The following CNOT10 variants were observed in gnomAD, a reference collection of about 807,000 sequenced individuals.
The protein encoded by CNOT10 is CCR4-NOT transcription complex, subunit 10.
In CNOT10, 30 loss-of-function variants were observed where a neutral mutation model predicts 94.6. The ratio of observed to expected loss-of-function variants is 0.32; its 90% CI spans 0.24 to 0.43. The LOEUF is 0.43. Ranked by LOEUF, CNOT10 falls within the 20% of genes least tolerant of loss-of-function variation. CNOT10 has a pLI of 1.00. For synonymous variants in CNOT10, 289 were observed against 301.6 expected, an observed-to-expected ratio of 0.96 and a Z score of 0.43; for missense variants, 759 against 877.2, an observed-to-expected ratio of 0.87 and a Z score of 1.70.
At chr3:32,719,174 G>T (rs558833657) in intron 7 of CNOT10, among the ~76,000 whole-genome samples, 9 of 151,608 alleles carry the variant, frequency 5.9e-5, no homozygotes, top group African/African-American at 2.2e-4. Flanking sequence ...GCTTGAACCC[G>T]GGAGGCGGAG....
intron 5 of CNOT10, among the ~76,000 whole-genome samples, chr3:32,713,665 CT>C (rs747306563): frequency 2.6e-5 from 4 of 152,200 alleles, no homozygotes; most frequent in Non-Finnish European, 4.4e-5. Flanking sequence ...CCATTTCCCC[CT>C]TTCCTCAGCC....
At chr3:32,753,150 T>C in intron 13 of CNOT10, 1 of 607,270 alleles carries the variant, frequency 1.6e-6, no homozygotes, top group Non-Finnish European at 3.1e-6. Context: ...TCCACCACTA[T>C]GTTGAGAAAA....
rs1025259192 is a variant in CNOT10 at position 32,707,792 on chromosome 3, C to CA, written c.280-865dup. ...CACTCCAGCCTGGGTGACTCCATCT[C>CA]AAAAAAAAAAAAATTATCTATGACC... is the stretch of plus-strand genomic sequence containing the variant. On this transcript the variant is annotated intron_variant, in intron 3 of 18. Coordinates refer to ENST00000328834, the MANE Select transcript of CNOT10 (RefSeq NM_015442.3). Among the ~76,000 whole-genome samples, 814 of 131,824 alleles carry CA rather than the reference C, an allele frequency of 6.2e-3. 8 individuals carry two copies. Among genetic ancestry groups the CA allele is most frequent in the African/African-American group, 0.02 (710 of 35,614 alleles). The allele number at this position is 131,824 out of a possible 152,430, so 86.5% of individuals were successfully genotyped here.
Position 32,727,764 on chromosome 3 carries a change from G to A in CNOT10, c.1109G>A (p.Arg370Lys), listed in dbSNP as rs1399000943. ...GGAATTCAGCTTCTTCACATTGGAA[G>A]GCCTCTTGCTGCCTTCGAATGTCTG... ...NCGIQLLHIG[R>K]PLAAFECLIE... is the part of the protein sequence containing the mutation. The change falls in exon 10 of 19, where the codon AGG becomes AAG. Residue 370 changes from arginine (R) to lysine (K), a missense_variant. Arg to Lys is a conservative substitution (Grantham distance 26). This residue lies in a region of CNOT10 where 682 missense variants were observed against 799.4 expected (regional missense o/e 0.85). Coordinates refer to ENST00000328834, the MANE Select transcript of CNOT10 (RefSeq NM_015442.3). 6.2e-7 allele frequency: 1 copy of A among 1,613,782 alleles called. No homozygotes were observed. The highest frequency in any genetic ancestry group is 8.5e-7 in the Non-Finnish European group (1 of 1,179,942).
rs374466072 is a variant in CNOT10, at chr3:32,703,886, A to G, written c.41A>G (p.His14Arg). The change falls in exon 2 of 19, where the codon CAT becomes CGT. Residue 14 changes from histidine to arginine, a missense_variant. His to Arg is a conservative substitution (Grantham distance 29). Transcript: ENST00000328834. The part of the protein sequence containing the change: ...DKPADQGAEK[H>R]EGTGQSSGIT... The stretch of plus-strand genomic sequence containing the variant: ...TTTGCAGATCAGGGAGCAGAGAAAC[A>G]TGAAGGCACAGGTCAGTCCTCTGGG... 1.1e-5 allele frequency: 18 copies of G among 1,613,458 alleles called. No individual in the cohort carries two copies. The African/African-American group carries it at 1.7e-4, about 16-fold the overall frequency.
At chr3:32,752,682 C>T (rs2125615327) in intron 13 of CNOT10, among the ~76,000 whole-genome samples, 1 of 152,206 alleles carries the variant, frequency 6.6e-6, no homozygotes, top group Middle Eastern at 3.4e-3. Context: ...TCAACTTTAA[C>T]AGTTGAAAGT....
At chr3:32,696,533 A>C (rs1697078013) in intron 1 of CNOT10, among the ~76,000 whole-genome samples, 1 of 152,186 alleles carries the variant, frequency 6.6e-6, no homozygotes, top group Admixed American at 6.5e-5. Flanking sequence ...GTTCTGTGAA[A>C]TGTGTGTAGA....
At position 32,764,497 on chromosome 3, in the gene CNOT10, A is replaced by G; in HGVS notation, c.1876+7A>G. The G allele has an allele frequency of 1.2e-6, 2 of 1,613,260 alleles. No homozygotes were observed. The highest frequency in any genetic ancestry group is 8.5e-7 in the Non-Finnish European group (1 of 1,179,772). ...AATGAAGCAATGGAATCCTGTAAGT[A>G]AGAAGTTTTGTGATACTTAAGTAGC... On this transcript the variant is annotated splice_region_variant and intron_variant, in intron 16 of 18. Coordinates refer to ENST00000328834, the MANE Select transcript of CNOT10 (RefSeq NM_015442.3).
chr3:32,754,489 A>AAAAT lies in CNOT10; in HGVS notation c.1596-4968_1596-4967insAATA, dbSNP rs77878221. On this transcript the variant is annotated intron_variant, in intron 13 of 18. Transcript: ENST00000328834. Reference sequence around the variant, plus strand: ...AAGACTCCGTCTCAAAAAAAAAAAAAATACATATATATATATATATTTATT... The same window carrying AAAAT: ...AAGACTCCGTCTCAAAAAAAAAAAAAAAATATACATATATATATATATATTTATT... Among the ~76,000 whole-genome samples, 22 of 70,206 alleles carry AAAAT rather than the reference A, an allele frequency of 3.1e-4. 2 individuals carry two copies. Among genetic ancestry groups the AAAAT allele is most frequent in the African/African-American group, 9.2e-4 (12 of 13,046 alleles). The allele number at this position is 70,206 out of a possible 152,430, so 46.1% of individuals were successfully genotyped here. A position where few individuals can be genotyped will look rare whatever the true frequency, so the allele number is the denominator to read the frequency against.
chr3:32,732,535 G>A (rs536273727), intron 10 of CNOT10, among the ~76,000 whole-genome samples: 9 of 151,862 alleles, frequency 5.9e-5, no homozygotes, highest in Admixed American at 2.0e-4. Flanking sequence ...GCAGTGAGCC[G>A]AGATCATGCC....
chr3:32,746,697 C>T (rs796257803), intron 13 of CNOT10, among the ~76,000 whole-genome samples: 28 of 152,126 alleles, frequency 1.8e-4, no homozygotes, highest in African/African-American at 6.3e-4. Flanking sequence ...ATTAGCCAGG[C>T]GTGGTGGCAG....
chr3:32,739,802 G>C (rs933650140), intron 13 of CNOT10, among the ~76,000 whole-genome samples: 4 of 152,154 alleles, frequency 2.6e-5, no homozygotes, highest in Non-Finnish European at 5.9e-5. Flanking sequence ...GCGGGTGCCT[G>C]TAATTCCAGC....
intron 8 of CNOT10, among the ~76,000 whole-genome samples, chr3:32,724,907 G>A (rs1482489033): frequency 6.6e-6 from 1 of 152,168 alleles, no homozygotes; most frequent in Non-Finnish European, 1.5e-5. Context: ...AATATGCTTT[G>A]GTTGTTTCCA....
At chr3:32,726,074 A>G (rs1698653414) in intron 9 of CNOT10, among the ~76,000 whole-genome samples, 1 of 152,124 alleles carries the variant, frequency 6.6e-6, no homozygotes, top group Non-Finnish European at 1.5e-5. Context: ...CCTCCTGAGT[A>G]GCTGGAACTA....
rs532340263 is a variant in CNOT10 at position 32,772,079 on chromosome 3, G to A, written c.2081-1378G>A. 4.6e-5 allele frequency among the ~76,000 whole-genome samples: 7 copies of A among 152,246 alleles called. No homozygotes were observed. The South Asian group carries it at 8.3e-4, about 18-fold the overall frequency. ...GAAGGGACAGAAATAGGCCAGGTGC[G>A]GTGGCTCATGCATGTAATCCCAACA... On this transcript the variant is annotated intron_variant, in intron 18 of 18. Coordinates refer to ENST00000328834, the MANE Select transcript of CNOT10 (RefSeq NM_015442.3).
At position 32,737,451 on chromosome 3, in the gene CNOT10, C is replaced by T. The variant is rs778162021; in HGVS notation, c.1556C>T (p.Pro519Leu). The T allele has an allele frequency of 6.2e-7, 1 of 1,611,958 alleles. No homozygotes were observed. The highest frequency in any genetic ancestry group is 8.5e-7 in the Non-Finnish European group (1 of 1,178,286). Residue 519 changes from proline (P) to leucine (L), a missense_variant, in exon 13 of 19, where the codon CCT becomes CTT. By Grantham distance (98) the Pro-to-Leu change is moderately conservative. This residue lies in a region of CNOT10 where 682 missense variants were observed against 799.4 expected (regional missense o/e 0.85). Transcript: ENST00000328834. The stretch of plus-strand genomic sequence containing the variant: ...GGAGATAAATTCATTCCAGCTCCAC[C>T]TTCTTCTCCATTGAGAAAACAGGAA... Reference protein sequence around the residue: ...HDGDKFIPAPPSSPLRKQELE... With the variant: ...HDGDKFIPAPLSSPLRKQELE...
At chr3:32,692,236 G>A (rs999728734) in intron 1 of CNOT10, among the ~76,000 whole-genome samples, 2 of 152,060 alleles carry the variant, frequency 1.3e-5, no homozygotes, top group Non-Finnish European at 2.9e-5. Context: ...GGTGGCATGT[G>A]CCTGTAGTCC....
chr3:32,726,621 A>C (rs1046998404), intron 9 of CNOT10, among the ~76,000 whole-genome samples: 5 of 151,342 alleles, frequency 3.3e-5, no homozygotes, highest in Non-Finnish European at 5.9e-5. Flanking sequence ...GCGTGTACCC[A>C]GGAGGCGGAG....
chr3:32,711,770 C>T (rs1044708546), intron 4 of CNOT10, among the ~76,000 whole-genome samples: 5 of 152,150 alleles, frequency 3.3e-5, no homozygotes, highest in African/African-American at 1.2e-4. Flanking sequence ...GCAGCAAGAT[C>T]ATTGTGACTG....
Sources: gnomAD v4.1 joint callset for allele counts (sites outside exome capture counted in the v4.1 genomes callset) on GRCh38, gnomAD v4.1.1 for gene constraint, gnomAD v4.1.1 regional missense constraint, MANE v1.5 for transcripts, NCBI Gene and HGNC (gene_info 2026-07-23, HGNC 2026-07-21) for gene names.